RAB40B: variants seen among roughly 807,000 people sequenced by gnomAD.
The protein encoded by RAB40B is ras-related protein Rab-40B.
RAB40B carries 21 observed loss-of-function variants against 24.0 expected under a neutral mutation model. That is an observed-to-expected ratio of 0.88 (90% CI 0.62 to 1.26). The LOEUF (loss-of-function observed/expected upper bound fraction) is 1.26. Ranked by LOEUF, RAB40B falls within the 50% of genes most tolerant of loss-of-function variation. The pLI is 0.00. For synonymous variants in RAB40B, 167 were observed against 169.8 expected (o/e 0.98, Z 0.13); for missense variants, 348 against 390.5 (o/e 0.89, Z 0.92).
At chr17:82,679,381 A>G (rs1293742373) in intron 1 of RAB40B, among the ~76,000 whole-genome samples, 1 of 151,298 alleles carries the variant, frequency 6.6e-6, no homozygotes, top group Non-Finnish European at 1.5e-5. Flanking sequence ...TCCTGGGTTC[A>G]CGCCATTCTC....
At chr17:82,682,739 A>G (rs2046458804) in intron 1 of RAB40B, among the ~76,000 whole-genome samples, 1 of 152,244 alleles carries the variant, frequency 6.6e-6, no homozygotes, top group African/African-American at 2.4e-5. Flanking sequence ...ATGTTTGACC[A>G]AAGTGCAAAG....
At position 82,698,638 on chromosome 17, in the gene RAB40B, C is replaced by A; in HGVS notation, c.-42G>T. 7.6e-7 allele frequency: 1 copy of A among 1,320,760 alleles called. No individual in the cohort carries two copies. The highest frequency in any genetic ancestry group is 9.8e-7 in the Non-Finnish European group (1 of 1,020,358). 81.8% of individuals were successfully genotyped at this position (1,320,760 alleles called of 1,614,324 possible). The stretch of plus-strand genomic sequence containing the variant: ...CCCCACCCATGCCCGGCCTGCGGGG[C>A]TGAGCGCAGAGGCGGCGGCCCGGCC... On this transcript the variant is annotated 5_prime_UTR_variant, in exon 1 of 6. Transcript: ENST00000571995.
intron 5 of RAB40B, 96 bp from the exon 6 acceptor site, chr17:82,658,230 G>A: frequency 6.6e-7 from 1 of 1,506,972 alleles, no homozygotes; most frequent in Non-Finnish European, 8.9e-7. Flanking sequence ...CCCTCCCAAG[G>A]CTCGGACGCC....
rs1472413894 is a variant in RAB40B, at chr17:82,675,741, A to G, written c.143-11185T>C. On this transcript the variant is annotated intron_variant, in intron 1 of 5. Coordinates refer to ENST00000571995, the MANE Select transcript of RAB40B (RefSeq NM_006822.3). This position sits in a 1 kb window ranked among gnomAD's most constrained non-coding sequence, Gnocchi z 4.5. ...GATGCTTCACTCATCCCATCCACAA[A>G]GCCCCACGTGACCTAATCATCTTCC... Among the ~76,000 whole-genome samples, 5 of 152,150 alleles carry G rather than the reference A, an allele frequency of 3.3e-5. No individual in the cohort carries two copies. The highest frequency in any genetic ancestry group is 7.3e-5 in the Non-Finnish European group (5 of 68,034).
intron 1 of RAB40B, among the ~76,000 whole-genome samples, chr17:82,693,912 G>A (rs993411216): frequency 1.3e-5 from 2 of 151,208 alleles, no homozygotes; most frequent in African/African-American, 2.5e-5. Flanking sequence ...GTGAAACCCC[G>A]TCTCTACTAA....
Position 82,692,974 on chromosome 17 carries a change from T to C in RAB40B, c.142+5481A>G, listed in dbSNP as rs537217817. The stretch of plus-strand genomic sequence containing the variant: ...CTAAATGAAAAAACAGACATAAGAC[T>C]TGGGCATTTTTCTTCTTTCTGTTTC... On this transcript the variant is annotated intron_variant, in intron 1 of 5. Coordinates refer to ENST00000571995, the MANE Select transcript of RAB40B (RefSeq NM_006822.3). The surrounding 1 kb of genome is among the most constrained non-coding windows in gnomAD (Gnocchi z 4.0). 6.6e-6 allele frequency among the ~76,000 whole-genome samples: 1 copy of C among 152,184 alleles called. No individual in the cohort carries two copies. Among genetic ancestry groups the C allele is most frequent in the East Asian group, 1.9e-4 (1 of 5,154 alleles).
chr17:82,658,222 C>T (rs2143439081), intron 5 of RAB40B, 88 bp from the exon 6 acceptor site: 2 of 1,523,770 alleles, frequency 1.3e-6, no homozygotes, highest in Non-Finnish European at 1.8e-6. Context: ...TTCTCCCGCC[C>T]TCCCAAGGCT....
chr17:82,666,909 C>A (rs960955071), intron 1 of RAB40B, among the ~76,000 whole-genome samples: 1 of 152,212 alleles, frequency 6.6e-6, no homozygotes, highest in Admixed American at 6.5e-5. Flanking sequence ...GCCTCACTCT[C>A]GGCTGTGATC....
intron 1 of RAB40B, among the ~76,000 whole-genome samples, chr17:82,684,050 G>A (rs1441695371): frequency 6.6e-6 from 1 of 151,798 alleles, no homozygotes; most frequent in Non-Finnish European, 1.5e-5. Context: ...GTGAAACCCT[G>A]TCTCTACTAA....
At chr17:82,684,229 A>AAC (rs1176518100) in intron 1 of RAB40B, among the ~76,000 whole-genome samples, 1 of 151,306 alleles carries the variant, frequency 6.6e-6, no homozygotes, top group Non-Finnish European at 1.5e-5. Context: ...TCAAAAAAAA[A>AAC]AAAAAAAAAT....
chr17:82,695,810 G>A (rs2046604200), intron 1 of RAB40B, among the ~76,000 whole-genome samples: 2 of 152,062 alleles, frequency 1.3e-5, no homozygotes, highest in Admixed American at 1.3e-4. Context: ...TCAAAAACCT[G>A]CAAGGGTACA....
In RAB40B at chr17:82,658,048, AG is replaced by A. The variant is rs35622820; in HGVS notation, c.651del (p.Leu218Ter). Reference protein sequence around the residue: ...HLVDKLPLPIALRSHLKSFSM... With the variant: ...HLVDKLPLPIXLRSHLKSFSM... Reference sequence around the variant, plus strand: ...GAGAAGGACTTGAGGTGGCTTCTTAAGGCAATGGGGAGCGGGAGCTTGTCCA... The same window carrying A: ...GAGAAGGACTTGAGGTGGCTTCTTAAGCAATGGGGAGCGGGAGCTTGTCCA... On this transcript the variant is annotated frameshift_variant, in exon 6 of 6. Coordinates refer to ENST00000571995, the MANE Select transcript of RAB40B (RefSeq NM_006822.3). LOFTEE classifies it low-confidence loss of function (END_TRUNC). 6.2e-7 allele frequency: 1 copy of A among 1,614,194 alleles called. No homozygotes were observed. Among genetic ancestry groups the A allele is most frequent in the Non-Finnish European group, 8.5e-7 (1 of 1,180,044 alleles).
chr17:82,690,518 C>G (rs1327786453), intron 1 of RAB40B, among the ~76,000 whole-genome samples: 4 of 131,548 alleles, frequency 3.0e-5, no homozygotes, highest in South Asian at 4.9e-4. Context: ...GCACGTGTGT[C>G]CAGGAGAAGA....
chr17:82,661,975 G>A (rs1350905434), intron 2 of RAB40B: 1 of 985,270 alleles, frequency 1.0e-6, no homozygotes, highest in African/African-American at 1.7e-5. Flanking sequence ...GGCGGCCCTG[G>A]GACAGCCAGC....
chr17:82,661,255 C>T, intron 2 of RAB40B: 1 of 1,337,390 alleles, frequency 7.5e-7, no homozygotes. Context: ...TCTTCTCTGT[C>T]ATTTAAAAAG....
At chr17:82,687,749 C>T (rs1264689952) in intron 1 of RAB40B, among the ~76,000 whole-genome samples, 1 of 152,190 alleles carries the variant, frequency 6.6e-6, no homozygotes, top group African/African-American at 2.4e-5. Context: ...TGACTGGCTG[C>T]CGATCATGCA....
In RAB40B at chr17:82,698,583, C is replaced by T; in HGVS notation, c.14G>A (p.Gly5Asp). MSALGSPVRAYDFLL... is the reference protein window; with the variant it reads MSALDSPVRAYDFLL... ...AAAGTCGTAGGCCCGGACCGGGCTG[C>T]CCAGGGCGCTCATCGTGACGGCCCG... Residue 5 changes from glycine to aspartate, a missense_variant, in exon 1 of 6, where the codon GGC (glycine) becomes GAC (aspartate). Around this residue, in one of 3 missense-constraint regions of RAB40B, gnomAD observed 101 missense variants for 85.5 expected, o/e 1.18. Coordinates refer to ENST00000571995, the MANE Select transcript of RAB40B (RefSeq NM_006822.3). The T allele has an allele frequency of 6.8e-7, 1 of 1,474,672 alleles. No homozygotes were observed. Among genetic ancestry groups the T allele is most frequent in the South Asian group, 1.3e-5 (1 of 78,518 alleles). The allele number at this position is 1,474,672 out of a possible 1,614,324, so 91.3% of individuals were successfully genotyped here.
At chr17:82,683,951 C>T (rs1273191069) in intron 1 of RAB40B, among the ~76,000 whole-genome samples, 1 of 151,792 alleles carries the variant, frequency 6.6e-6, no homozygotes, top group Non-Finnish European at 1.5e-5. Context: ...CCGGGCGCAG[C>T]GGCTAACGCC....
intron 1 of RAB40B, among the ~76,000 whole-genome samples, chr17:82,684,755 CTTCTGCGTGGTGGAGGTG>C (rs2046480157): frequency 6.6e-6 from 1 of 152,108 alleles, no homozygotes; most frequent in African/African-American, 2.4e-5. Flanking sequence ...GCTGCGGAAA[CTTCTGCGTGGTGGAGGTG>C]TTCTCCACCT....
Sources: allele counts gnomAD v4.1 joint callset (sites outside exome capture counted in the v4.1 genomes callset), GRCh38; gene constraint gnomAD v4.1.1; regional missense constraint gnomAD v4.1.1; non-coding constraint Gnocchi (gnomAD v3.1); transcripts MANE v1.5; gene names NCBI Gene and HGNC (gene_info 2026-07-23, HGNC 2026-07-21).